The following MOB3B variants were observed in gnomAD, a reference collection of about 807,000 sequenced individuals.
The protein encoded by MOB3B is MOB kinase activator 3B, also known as MOB kinase activator-like 2B.
Under a neutral mutation model 18.7 loss-of-function variants are expected in MOB3B, and 7 were observed. The ratio of observed to expected loss-of-function variants is 0.37; its 90% CI spans 0.21 to 0.70. The LOEUF (loss-of-function observed/expected upper bound fraction) is 0.70. Among genes scored for constraint, MOB3B ranks in the 30% least tolerant of loss-of-function variants. The pLI, the probability that MOB3B is intolerant of heterozygous loss-of-function variation, is 0.52. For missense variants in MOB3B, 253 were observed against 281.3 expected, an observed-to-expected ratio of 0.90 and a Z score of 0.72; for synonymous variants, 111 against 99.9, an observed-to-expected ratio of 1.11 and a Z score of -0.66.
chr9:27,351,209 G>C (rs1164951740), intron 3 of MOB3B, among the ~76,000 whole-genome samples: 1 of 152,158 alleles, frequency 6.6e-6, no homozygotes, highest in African/African-American at 2.4e-5. Context: ...GGCCCACAGT[G>C]GGCTTTAATC....
intron 2 of MOB3B, among the ~76,000 whole-genome samples, chr9:27,451,994 C>T (rs542609235): frequency 3.3e-5 from 5 of 152,130 alleles, no homozygotes; most frequent in South Asian, 2.1e-4. Flanking sequence ...TGAAGGTGGA[C>T]GGTGATGGTT....
At chr9:27,510,360 C>T (rs1319816934) in intron 1 of MOB3B, among the ~76,000 whole-genome samples, 1 of 152,214 alleles carries the variant, frequency 6.6e-6, no homozygotes, top group Non-Finnish European at 1.5e-5. Flanking sequence ...CTGTAGTCCT[C>T]CCTGTATTCC....
chr9:27,395,530 T>C (rs1406566924), intron 2 of MOB3B, among the ~76,000 whole-genome samples: 1 of 152,202 alleles, frequency 6.6e-6, no homozygotes, highest in Non-Finnish European at 1.5e-5. Flanking sequence ...TTGGAACAGT[T>C]GCTAGCCTGC....
At chr9:27,427,165 C>T (rs979680348) in intron 2 of MOB3B, among the ~76,000 whole-genome samples, 3 of 152,184 alleles carry the variant, frequency 2.0e-5, no homozygotes, top group Non-Finnish European at 4.4e-5. Flanking sequence ...TGATGCAGAC[C>T]TAAAGCAGTG....
intron 2 of MOB3B, among the ~76,000 whole-genome samples, chr9:27,361,787 A>C (rs1171997330): frequency 6.6e-6 from 1 of 152,206 alleles, no homozygotes; most frequent in Non-Finnish European, 1.5e-5. Context: ...TCCAAAGTCC[A>C]CGAGCACTGC....
rs202151673 is a variant in MOB3B, at chr9:27,455,301, C to T, written c.250G>A (p.Glu84Lys). The change falls in exon 2 of 4, where the codon GAG becomes AAG. Residue 84 changes from glutamate (E) to lysine (K), a missense_variant. Transcript: ENST00000262244. Reference sequence around the variant, plus strand: ...CCTGACATCACAGGACAGGTCCGCTCGGTGCAGAACTCACAGATGGTGCCA... The same window carrying T: ...CCTGACATCACAGGACAGGTCCGCTTGGTGCAGAACTCACAGATGGTGCCA... The part of the protein sequence containing the change: ...IYGTICEFCT[E>K]RTCPVMSGGP... 1.2e-5 allele frequency: 20 copies of T among 1,613,966 alleles called. No homozygotes were observed. In the Middle Eastern group the frequency reaches 4.9e-4, roughly 40 times the overall value.
intron 1 of MOB3B, among the ~76,000 whole-genome samples, chr9:27,481,511 GTTTTTTT>G (rs536716885): frequency 1.4e-5 from 1 of 69,650 alleles, no homozygotes; most frequent in East Asian, 3.3e-4. Flanking sequence ...TTTTTTTTTT[GTTTTTTT>G]TGTTTTTTTT....
Position 27,330,265 on chromosome 9 carries a change from G to T in MOB3B, c.*322C>A, listed in dbSNP as rs1820767538. 4.1e-6 allele frequency: 1 copy of T among 245,534 alleles called. No individual in the cohort carries two copies. Among genetic ancestry groups the T allele is most frequent in the Non-Finnish European group, 7.8e-6 (1 of 128,604 alleles). The allele number at this position is 245,534 out of a possible 1,614,324, so 15.2% of individuals were successfully genotyped here. A position where few individuals can be genotyped will look rare whatever the true frequency, so the allele number is the denominator to read the frequency against. On this transcript the variant is annotated 3_prime_UTR_variant, in exon 4 of 4. Transcript: ENST00000262244. ...AAAACCTGAATTCCAGTAAAGCTTA[G>T]GCGGCAGGTCACAGGCAGAACTGTG...
At chr9:27,374,293 G>A (rs190681834) in intron 2 of MOB3B, among the ~76,000 whole-genome samples, 56 of 151,456 alleles carry the variant, frequency 3.7e-4, no homozygotes, top group Non-Finnish European at 6.8e-4. Context: ...TGGTGAAGCT[G>A]GATTTAAACC....
Position 27,330,511 on chromosome 9 carries a change from G to A in MOB3B, c.*76C>T, listed in dbSNP as rs1587135020. The A allele has an allele frequency of 6.2e-7, 1 of 1,603,024 alleles. No individual in the cohort carries two copies. On this transcript the variant is annotated 3_prime_UTR_variant, in exon 4 of 4. Transcript: ENST00000262244. ...GGGAGTAGGTGTGTCATTTCAGCCA[G>A]GGTGGTCCACCTCCTGCCCGCTCAG...
chr9:27,355,565 T>C lies in MOB3B; in HGVS notation c.621+3469A>G, dbSNP rs1180235861. On this transcript the variant is annotated intron_variant, in intron 3 of 3. Coordinates refer to ENST00000262244, the MANE Select transcript of MOB3B (RefSeq NM_024761.5). ...GCATAGTTTTTTTCTTTTTCTTCTTTTTTTTTTTTTTTGAGACGGAGTCTC... is the reference window on the plus strand; with the variant it reads ...GCATAGTTTTTTTCTTTTTCTTCTTCTTTTTTTTTTTTGAGACGGAGTCTC... Among the ~76,000 whole-genome samples, 11 of 146,630 alleles carry C rather than the reference T, an allele frequency of 7.5e-5. No homozygotes were observed. The South Asian group carries it at 1.0e-3, about 14-fold the overall frequency.
intron 1 of MOB3B, among the ~76,000 whole-genome samples, chr9:27,502,642 A>G (rs897346246): frequency 4.6e-5 from 7 of 152,208 alleles, no homozygotes; most frequent in Non-Finnish European, 2.9e-5. Context: ...CTAAGGAGAC[A>G]GAAGCTTTTC....
intron 1 of MOB3B, among the ~76,000 whole-genome samples, chr9:27,457,768 A>G (rs1819203363): frequency 1.3e-5 from 2 of 152,154 alleles, no homozygotes; most frequent in Admixed American, 6.5e-5. Flanking sequence ...AAAGCAGGTC[A>G]CATGAAACTT....
intron 2 of MOB3B, among the ~76,000 whole-genome samples, chr9:27,438,182 C>G (rs901594808): frequency 6.6e-6 from 1 of 152,180 alleles, no homozygotes; most frequent in Non-Finnish European, 1.5e-5. Flanking sequence ...GTCACCCTAC[C>G]GTATACTACT....
In MOB3B at chr9:27,455,564, G is replaced by A. The variant is rs543621829; in HGVS notation, c.-14C>T. 2.7e-5 allele frequency: 44 copies of A among 1,613,818 alleles called. No homozygotes were observed. The highest frequency in any genetic ancestry group is 1.7e-4 in the Middle Eastern group (1 of 6,026). ...GGCTATGGACATGGTCTTCTCTTTC[G>A]CTTCCTTTCTTTTGCAGGAAGCGAA... is the stretch of plus-strand genomic sequence containing the variant. On this transcript the variant is annotated 5_prime_UTR_variant, in exon 2 of 4. Coordinates refer to ENST00000262244, the MANE Select transcript of MOB3B (RefSeq NM_024761.5).
intron 1 of MOB3B, among the ~76,000 whole-genome samples, chr9:27,522,727 G>A (rs1048428971): frequency 1.3e-5 from 2 of 151,760 alleles, no homozygotes; most frequent in African/African-American, 4.8e-5. Flanking sequence ...AGGATCAATC[G>A]CTGAGTCAAA....
chr9:27,427,883 C>T (rs1822360836), intron 2 of MOB3B, among the ~76,000 whole-genome samples: 1 of 152,112 alleles, frequency 6.6e-6, no homozygotes, highest in Non-Finnish European at 1.5e-5. Context: ...CTCCAGCAGT[C>T]CCTCCAACCA....
At chr9:27,430,020 T>C (rs996801080) in intron 2 of MOB3B, among the ~76,000 whole-genome samples, 1 of 152,202 alleles carries the variant, frequency 6.6e-6, no homozygotes, top group Non-Finnish European at 1.5e-5. Context: ...CAGAGTTCCC[T>C]GATGGTCTGC....
At chr9:27,489,739 A>ATTTTTTTTTTTTTTTTTTTTT (rs1554652743) in intron 1 of MOB3B, among the ~76,000 whole-genome samples, 1 of 10,066 alleles carries the variant, frequency 9.9e-5, no homozygotes, top group Non-Finnish European at 3.5e-4. Context: ...TAAGGAAATA[A>ATTTTTTTTTTTTTTTTTTTTT]TCTTTTTTTT....
Sources: gnomAD v4.1 joint callset for allele counts (sites outside exome capture counted in the v4.1 genomes callset) on GRCh38, gnomAD v4.1.1 for gene constraint, MANE v1.5 for transcripts, NCBI Gene and HGNC (gene_info 2026-07-23, HGNC 2026-07-21) for gene names.